Variants in NTM observed in about 807,000 individuals in gnomAD.
The protein encoded by NTM is neurotrimin.
A neutral mutation model predicts 42.1 loss-of-function variants in NTM; 13 were observed. That is an observed-to-expected ratio of 0.31 (90% CI 0.20 to 0.49). The LOEUF (loss-of-function observed/expected upper bound fraction) is 0.49, where lower values mean the gene tolerates loss of function less well. Among genes scored for constraint, NTM ranks in the 20% least tolerant of loss-of-function variants. The pLI is 0.99. For synonymous variants in NTM, 187 were observed against 179.2 expected (o/e 1.04, Z -0.35); for missense variants, 373 against 452.8 (o/e 0.82, Z 1.60).
At chr11:131,836,625 T>C (rs2043533617) in intron 1 of NTM, among the ~76,000 whole-genome samples, 1 of 152,268 alleles carries the variant, frequency 6.6e-6, no homozygotes, top group Admixed American at 6.5e-5. Flanking sequence ...CTTCTCTCCA[T>C]GTCATGAGTG....
chr11:132,314,922 T>TTACATGTATACAAAGTAGTATATGTATAG, intron 7 of NTM: 7 of 1,326,420 alleles, frequency 5.3e-6, no homozygotes, highest in Non-Finnish European at 6.7e-6. Context: ...GAGATACAGT[T>TTACATGTATACAAAGTAGTATATGTATAG]TACATGTATA....
intron 1 of NTM, among the ~76,000 whole-genome samples, chr11:131,634,216 G>C (rs887592497): frequency 6.6e-6 from 1 of 151,726 alleles, no homozygotes; most frequent in African/African-American, 2.4e-5. Flanking sequence ...TTGTTGCAAA[G>C]TGGGAATTGT....
At chr11:131,468,528 T>A (rs1952110760) in intron 1 of NTM, among the ~76,000 whole-genome samples, 1 of 152,210 alleles carries the variant, frequency 6.6e-6, no homozygotes, top group South Asian at 2.1e-4. Context: ...GCAGAGTAAT[T>A]GCTTTGGTTT....
chr11:132,111,444 T>C (rs2063188471), intron 2 of NTM, among the ~76,000 whole-genome samples: 1 of 152,180 alleles, frequency 6.6e-6, no homozygotes. Context: ...GGATCTATCA[T>C]CCTGAACTGT....
Position 131,543,749 on chromosome 11 carries a change from C to A in NTM, c.82+172861C>A, listed in dbSNP as rs1359292401. Among the ~76,000 whole-genome samples, 4 of 152,188 alleles carry A rather than the reference C, an allele frequency of 2.6e-5. No homozygotes were observed. In the East Asian group the frequency reaches 7.7e-4, roughly 29 times the overall value. ...TGCCCAGTCCTTCATCAGCTGGTGC[C>A]CGTAGCCCTGCATCATCCTGGTAAC... On this transcript the variant is annotated intron_variant, in intron 1 of 8. Coordinates refer to ENST00000683400, the MANE Select transcript of NTM (RefSeq NM_001352005.2).
At chr11:132,050,609 G>A (rs2078718999) in intron 2 of NTM, among the ~76,000 whole-genome samples, 1 of 152,168 alleles carries the variant, frequency 6.6e-6, no homozygotes, top group South Asian at 2.1e-4. Flanking sequence ...AAGGAGAGGT[G>A]CGTGCTCTGA....
intron 8 of NTM, among the ~76,000 whole-genome samples, chr11:132,334,035 C>T (rs1352885702): frequency 6.6e-6 from 1 of 152,194 alleles, no homozygotes; most frequent in African/African-American, 2.4e-5. Flanking sequence ...CTTTAAATAC[C>T]TCTATTAAAT....
intron 8 of NTM, among the ~76,000 whole-genome samples, chr11:132,330,711 G>C (rs2095787237): frequency 6.6e-6 from 1 of 152,148 alleles, no homozygotes. Context: ...TGTTTCCGAT[G>C]GATAATTGAC....
At chr11:131,695,673 A>G (rs1277424530) in intron 1 of NTM, among the ~76,000 whole-genome samples, 1 of 152,212 alleles carries the variant, frequency 6.6e-6, no homozygotes, top group African/African-American at 2.4e-5. Context: ...CGGCATGCCC[A>G]CCTTGAGAAC....
intron 1 of NTM, among the ~76,000 whole-genome samples, chr11:131,518,571 T>C (rs553220075): frequency 5.9e-5 from 9 of 152,308 alleles, no homozygotes; most frequent in East Asian, 5.8e-4. Context: ...TGCTACACCA[T>C]TGGGGAGGAA....
intron 4 of NTM, among the ~76,000 whole-genome samples, chr11:132,266,043 G>T (rs1300483221): frequency 6.6e-6 from 1 of 152,196 alleles, no homozygotes; most frequent in Non-Finnish European, 1.5e-5. Context: ...CATGAAGCAG[G>T]ACAGAGCAGG....
At chr11:131,546,115 T>C (rs963528238) in intron 1 of NTM, among the ~76,000 whole-genome samples, 2 of 152,194 alleles carry the variant, frequency 1.3e-5, no homozygotes, top group Admixed American at 6.5e-5. Flanking sequence ...CATGTTCCAG[T>C]GTCAGGTCTT....
intron 1 of NTM, among the ~76,000 whole-genome samples, chr11:131,563,215 A>AATT (rs112213908): frequency 6.6e-6 from 1 of 152,128 alleles, no homozygotes; most frequent in Non-Finnish European, 1.5e-5. Context: ...TGCAAGTGCA[A>AATT]ATTATTATTA....
intron 1 of NTM, among the ~76,000 whole-genome samples, chr11:131,694,679 A>ACG (rs2075215203): frequency 6.6e-6 from 1 of 152,080 alleles, no homozygotes. Flanking sequence ...CCTCCGAAGG[A>ACG]CGGCTCCAGA....
chr11:132,022,092 T>G (rs1051550830), intron 2 of NTM, among the ~76,000 whole-genome samples: 4 of 152,190 alleles, frequency 2.6e-5, no homozygotes, highest in Non-Finnish European at 5.9e-5. Flanking sequence ...TAAGTGAGCC[T>G]CTGAACCAGG....
intron 1 of NTM, among the ~76,000 whole-genome samples, chr11:131,875,654 C>T (rs908889592): frequency 6.6e-6 from 1 of 152,200 alleles, no homozygotes; most frequent in African/African-American, 2.4e-5. Context: ...GATCCTTCAA[C>T]AGTTTCTGTA....
chr11:131,789,477 AGAAGAAGAAGAAGAG>A lies in NTM; in HGVS notation c.83-122083_83-122069del, dbSNP rs1330331196. 6.7e-3 allele frequency among the ~76,000 whole-genome samples: 89 copies of A among 13,198 alleles called. 28 individuals are homozygous for A. Among genetic ancestry groups the A allele is most frequent in the South Asian group, 0.018 (6 of 328 alleles). 8.7% of individuals were successfully genotyped at this position (13,198 alleles called of 152,430 possible). The stretch of plus-strand genomic sequence containing the variant: ...AAGAAGAAGAAGAAGAAGAAGAAGA[AGAAGAAGAAGAAGAG>A]GAAAGAAGAAGAAGAAGAAGAAGAA... On this transcript the variant is annotated intron_variant, in intron 1 of 8. Coordinates refer to ENST00000683400, the MANE Select transcript of NTM (RefSeq NM_001352005.2).
At chr11:132,243,450 C>T (rs1162708182) in intron 4 of NTM, among the ~76,000 whole-genome samples, 1 of 152,176 alleles carries the variant, frequency 6.6e-6, no homozygotes, top group Non-Finnish European at 1.5e-5. Flanking sequence ...CCTACTCTTG[C>T]TCTGAATAAT....
At chr11:132,274,190 T>G (rs888139766) in intron 4 of NTM, among the ~76,000 whole-genome samples, 1 of 152,132 alleles carries the variant, frequency 6.6e-6, no homozygotes, top group Non-Finnish European at 1.5e-5. Flanking sequence ...TCTTGACTTT[T>G]TAAATTTATT....
Sources: gnomAD v4.1 joint callset for allele counts (sites outside exome capture counted in the v4.1 genomes callset) on GRCh38, gnomAD v4.1.1 for gene constraint, MANE v1.5 for transcripts, NCBI Gene and HGNC (gene_info 2026-07-23, HGNC 2026-07-21) for gene names.